The following RORA variants were observed in gnomAD, a reference collection of about 807,000 sequenced individuals.
RORA encodes the protein nuclear receptor ROR-alpha.
A neutral mutation model predicts 69.5 loss-of-function variants in RORA; 7 were observed. The ratio of observed to expected loss-of-function variants is 0.10; its 90% CI spans 0.06 to 0.19. The LOEUF (loss-of-function observed/expected upper bound fraction) is 0.19, where lower values mean the gene tolerates loss of function less well. RORA is among the 10% of genes least tolerant of loss of function. The probability of loss-of-function intolerance (pLI) is 1.00; values close to 1 mark genes in which losing one functional copy is unlikely to be tolerated. For missense variants in RORA, 457 were observed against 663.0 expected (o/e 0.69, Z 3.41); for synonymous variants, 261 against 240.8 (o/e 1.08, Z -0.78).
At chr15:60,760,244 A>G (rs1227110892) in intron 1 of RORA, among the ~76,000 whole-genome samples, 1 of 152,184 alleles carries the variant, frequency 6.6e-6, no homozygotes, top group Non-Finnish European at 1.5e-5. Flanking sequence ...GCAGAGGATG[A>G]ATGTGGGCTA....
At chr15:61,100,098 G>C (rs1441655330) in intron 1 of RORA, among the ~76,000 whole-genome samples, 1 of 149,114 alleles carries the variant, frequency 6.7e-6, no homozygotes. Context: ...ATCTGGGAAT[G>C]AATGGTCAAT....
chr15:60,863,060 T>C (rs1490656465), intron 1 of RORA, among the ~76,000 whole-genome samples: 1 of 152,236 alleles, frequency 6.6e-6, no homozygotes. Flanking sequence ...CTTCCCCTTA[T>C]CATCTTCATG....
At chr15:61,210,523 TTATCAAATCC>T (rs1225273098) in intron 1 of RORA, among the ~76,000 whole-genome samples, 1 of 152,184 alleles carries the variant, frequency 6.6e-6, no homozygotes, top group Non-Finnish European at 1.5e-5. Flanking sequence ...AACCTCTAAC[TTATCAAATCC>T]TATATATGCC....
chr15:61,180,393 T>G (rs1414548526), intron 1 of RORA, among the ~76,000 whole-genome samples: 1 of 152,172 alleles, frequency 6.6e-6, no homozygotes, highest in Admixed American at 6.5e-5. Context: ...TTAATACAAT[T>G]AAACTATGCA....
At chr15:60,934,049 C>T (rs530269907) in intron 1 of RORA, among the ~76,000 whole-genome samples, 1 of 152,362 alleles carries the variant, frequency 6.6e-6, no homozygotes, top group African/African-American at 2.4e-5. Context: ...CAGCTCCACA[C>T]CATATGCATC....
At chr15:60,853,178 T>C (rs547857934) in intron 1 of RORA, among the ~76,000 whole-genome samples, 1 of 151,996 alleles carries the variant, frequency 6.6e-6, no homozygotes, top group Non-Finnish European at 1.5e-5. Context: ...CAAAGCAAAA[T>C]GAATGTCACA....
chr15:61,087,987 C>A (rs946140928), intron 1 of RORA, among the ~76,000 whole-genome samples: 1 of 152,246 alleles, frequency 6.6e-6, no homozygotes, highest in African/African-American at 2.4e-5. Context: ...CCTAAAGTTC[C>A]AGTCATCTGT....
At chr15:61,016,676 G>T (rs1256973352) in intron 1 of RORA, among the ~76,000 whole-genome samples, 2 of 152,162 alleles carry the variant, frequency 1.3e-5, no homozygotes, top group Non-Finnish European at 2.9e-5. Flanking sequence ...GCACACCCCA[G>T]AGAATCTGCC....
intron 2 of RORA, among the ~76,000 whole-genome samples, chr15:60,646,670 A>T (rs2070051717): frequency 6.6e-6 from 1 of 152,194 alleles, no homozygotes; most frequent in Non-Finnish European, 1.5e-5. Flanking sequence ...TTGAATAAGA[A>T]CCCATTGCTC....
intron 1 of RORA, chr15:61,195,735 T>A (rs2079840359): frequency 6.6e-6 from 1 of 152,248 alleles, no homozygotes; most frequent in Admixed American, 6.5e-5. Flanking sequence ...TCCTTTGAAC[T>A]CACTGAATTT....
At chr15:61,015,317 G>C (rs1895242207) in intron 1 of RORA, among the ~76,000 whole-genome samples, 1 of 152,084 alleles carries the variant, frequency 6.6e-6, no homozygotes, top group South Asian at 2.1e-4. Flanking sequence ...TTAGAGCCTT[G>C]TGACTTTGAA....
chr15:60,627,321 C>A lies in RORA; in HGVS notation c.196+51336G>T, dbSNP rs199986254. 5 of 1,614,122 alleles carry A rather than the reference C, an allele frequency of 3.1e-6. No homozygotes were observed. The Admixed American group carries it at 6.7e-5, about 22-fold the overall frequency. The stretch of plus-strand genomic sequence containing the variant: ...GAAGACAATGACCCATGATTGACCA[C>A]GGCACTCTTGCCTCAGTCTCTAAGT... On this transcript the variant is annotated intron_variant, in intron 2 of 10. Coordinates refer to ENST00000335670, the MANE Select transcript of RORA (RefSeq NM_134261.3).
At chr15:60,937,925 T>C (rs4775323) in intron 1 of RORA, among the ~76,000 whole-genome samples, 23,610 of 152,242 alleles carry the variant, frequency 0.16, 1,948 homozygotes, top group Admixed American at 0.2. Flanking sequence ...ATAGCTAATA[T>C]TTCTTTTCTT....
At chr15:60,763,989 T>A (rs994381227) in intron 1 of RORA, 1 of 152,144 alleles carries the variant, frequency 6.6e-6, no homozygotes. Flanking sequence ...ATTTACTTGC[T>A]CTCACTAGGG....
At chr15:61,112,285 T>C (rs761065133) in intron 1 of RORA, among the ~76,000 whole-genome samples, 1 of 152,202 alleles carries the variant, frequency 6.6e-6, no homozygotes, top group Non-Finnish European at 1.5e-5. Context: ...TGATCCGTCA[T>C]GGACTGGGGG....
intron 1 of RORA, among the ~76,000 whole-genome samples, chr15:60,943,819 G>A (rs1892776895): frequency 1.3e-5 from 2 of 149,812 alleles, no homozygotes; most frequent in African/African-American, 4.9e-5. Flanking sequence ...GGGAGGCTGA[G>A]GCAGGAGAAT....
chr15:60,700,383 T>C (rs1354832689), intron 1 of RORA, among the ~76,000 whole-genome samples: 1 of 152,156 alleles, frequency 6.6e-6, no homozygotes, highest in Non-Finnish European at 1.5e-5. Context: ...TTGACATCCT[T>C]AGCTTTGCAG....
In RORA at chr15:60,492,994, C is replaced by T. The variant is rs1195016059; in HGVS notation, c.*4461G>A. 6.6e-6 allele frequency: 1 copy of T among 152,094 alleles called. No individual in the cohort carries two copies. The highest frequency in any genetic ancestry group is 1.5e-5 in the Non-Finnish European group (1 of 67,988). 9.4% of individuals were successfully genotyped at this position (152,094 alleles called of 1,614,324 possible). A position where few individuals can be genotyped will look rare whatever the true frequency, so the allele number is the denominator to read the frequency against. On this transcript the variant is annotated 3_prime_UTR_variant, in exon 11 of 11. Transcript: ENST00000335670. Reference sequence around the variant, plus strand: ...TTAAGAGTTTTAGGAGATCCCTGAGCACATTGTTTCTGACTCTTAACCCCA... The same window carrying T: ...TTAAGAGTTTTAGGAGATCCCTGAGTACATTGTTTCTGACTCTTAACCCCA...
intron 1 of RORA, among the ~76,000 whole-genome samples, chr15:61,119,087 G>GTC (rs898092285): frequency 7.5e-5 from 10 of 134,140 alleles, no homozygotes; most frequent in South Asian, 4.9e-4. Flanking sequence ...CAGAAGGGGG[G>GTC]GGGGGGCGCC....
Sources: allele counts gnomAD v4.1 joint callset (sites outside exome capture counted in the v4.1 genomes callset), GRCh38; gene constraint gnomAD v4.1.1; transcripts MANE v1.5; gene names NCBI Gene and HGNC (gene_info 2026-07-23, HGNC 2026-07-21).